NELL1: variants seen among roughly 807,000 people sequenced by gnomAD.
NELL1 encodes neural EGFL like 1, also known as protein kinase C-binding protein NELL1.
NELL1 carries 76 observed loss-of-function variants against 107.4 expected under a neutral mutation model. That is an observed-to-expected ratio of 0.71 (90% confidence interval 0.59 to 0.86). The LOEUF (loss-of-function observed/expected upper bound fraction) is 0.86. Among genes scored for constraint, NELL1 ranks in the 40% least tolerant of loss-of-function variants. The probability of loss-of-function intolerance (pLI) is 0.00; values close to 1 mark genes in which losing one functional copy is unlikely to be tolerated. For synonymous variants in NELL1, 353 were observed against 341.2 expected (o/e 1.03, Z -0.38); for missense variants, 1,024 against 1,005.5 (o/e 1.02, Z -0.25).
chr11:21,128,664 C>T (rs1386165425), intron 13 of NELL1, among the ~76,000 whole-genome samples: 1 of 152,148 alleles, frequency 6.6e-6, no homozygotes, highest in East Asian at 1.9e-4. Flanking sequence ...AAGAGGCAGA[C>T]CTTATCCCTT....
chr11:21,393,086 A>G (rs73457945), intron 15 of NELL1, among the ~76,000 whole-genome samples: 3,574 of 151,766 alleles, frequency 0.024, 63 homozygotes, highest in East Asian at 0.064. Flanking sequence ...AATGGTTTAA[A>G]ATACGACCAA....
intron 15 of NELL1, among the ~76,000 whole-genome samples, chr11:21,405,620 T>C (rs1852216768): frequency 6.6e-6 from 1 of 151,976 alleles, no homozygotes; most frequent in Admixed American, 6.6e-5. Context: ...CAGCATCAAT[T>C]ATCACCTCCT....
At chr11:21,289,486 A>G (rs1264102166) in intron 14 of NELL1, among the ~76,000 whole-genome samples, 1 of 152,216 alleles carries the variant, frequency 6.6e-6, no homozygotes, top group Non-Finnish European at 1.5e-5. Flanking sequence ...TGACCCAGAT[A>G]CTATGCTTTT....
At chr11:20,857,167 G>T (rs1231115167) in intron 4 of NELL1, among the ~76,000 whole-genome samples, 3 of 152,314 alleles carry the variant, frequency 2.0e-5, no homozygotes, top group Admixed American at 2.0e-4. Context: ...AGCCAGCCTT[G>T]CAGGCCAGGG....
At chr11:21,451,206 A>T (rs894131386) in intron 15 of NELL1, among the ~76,000 whole-genome samples, 1 of 148,432 alleles carries the variant, frequency 6.7e-6, no homozygotes, top group Admixed American at 6.6e-5. Flanking sequence ...AAAAAAAGAA[A>T]AAAAAAAGAA....
At chr11:21,210,232 C>T (rs1425474194) in intron 13 of NELL1, among the ~76,000 whole-genome samples, 2 of 152,076 alleles carry the variant, frequency 1.3e-5, no homozygotes, top group Non-Finnish European at 1.5e-5. Flanking sequence ...TATGTTTTCA[C>T]TTCTCTTGAG....
chr11:21,030,356 C>T (rs954917197), intron 12 of NELL1, among the ~76,000 whole-genome samples: 1 of 152,102 alleles, frequency 6.6e-6, no homozygotes, highest in Non-Finnish European at 1.5e-5. Context: ...ACCTTTTAGT[C>T]GTACAGACAG....
chr11:21,181,951 A>T (rs796073071), intron 13 of NELL1, among the ~76,000 whole-genome samples: 1 of 151,928 alleles, frequency 6.6e-6, no homozygotes, highest in Non-Finnish European at 1.5e-5. Flanking sequence ...AAGACTTTAC[A>T]TATATTGACT....
At chr11:21,104,376 G>C (rs1349012491) in intron 12 of NELL1, among the ~76,000 whole-genome samples, 1 of 152,188 alleles carries the variant, frequency 6.6e-6, no homozygotes, top group Admixed American at 6.5e-5. Flanking sequence ...GTGCCAGCTA[G>C]AAATTCGTAT....
At chr11:21,225,135 A>G (rs1026072259) in intron 13 of NELL1, among the ~76,000 whole-genome samples, 2 of 152,108 alleles carry the variant, frequency 1.3e-5, no homozygotes, top group South Asian at 2.1e-4. Flanking sequence ...ATGTGGTGGG[A>G]TGGCAGCAGG....
intron 12 of NELL1, among the ~76,000 whole-genome samples, chr11:20,997,827 A>C (rs2134267869): frequency 6.6e-6 from 1 of 152,264 alleles, no homozygotes; most frequent in East Asian, 1.9e-4. Context: ...TTAACAAATT[A>C]GCTGGGTGTG....
intron 1 of NELL1, among the ~76,000 whole-genome samples, chr11:20,677,099 G>T (rs192956700): frequency 6.6e-6 from 1 of 152,162 alleles, no homozygotes; most frequent in Admixed American, 6.5e-5. Flanking sequence ...CTGCATTAAG[G>T]TTCTCTAAAA....
In NELL1 at chr11:21,370,877, ACGGTGGAAC is replaced by A; in HGVS notation, c.1575_1583del (p.Tyr525_Thr528delinsTer). The A allele has an allele frequency of 1.2e-6, 2 of 1,611,938 alleles. No individual in the cohort carries two copies. The highest frequency in any genetic ancestry group is 1.7e-6 in the Non-Finnish European group (2 of 1,178,870). The stretch of plus-strand genomic sequence containing the variant: ...GCTTTCTGTGAAGAGGGCTGCAGAT[ACGGTGGAAC>A]GTGTGTGGCTCCCAACAAATGTGTC... On this transcript the variant is annotated stop_gained and inframe_deletion, in exon 15 of 20. Coordinates refer to ENST00000357134, the MANE Select transcript of NELL1 (RefSeq NM_006157.5). LOFTEE classifies it high-confidence loss of function.
At chr11:21,066,745 T>C (rs191194343) in intron 12 of NELL1, among the ~76,000 whole-genome samples, 1 of 152,042 alleles carries the variant, frequency 6.6e-6, no homozygotes, top group Admixed American at 6.6e-5. Flanking sequence ...AGGTCACGAA[T>C]TAGAAACCAG....
intron 12 of NELL1, among the ~76,000 whole-genome samples, chr11:21,046,850 G>C (rs1193901978): frequency 6.6e-6 from 1 of 151,480 alleles, no homozygotes; most frequent in African/African-American, 2.4e-5. Context: ...TGGGAGTATA[G>C]CCATGTACCA....
At chr11:21,120,756 G>T (rs1269709063) in intron 13 of NELL1, among the ~76,000 whole-genome samples, 1 of 152,036 alleles carries the variant, frequency 6.6e-6, no homozygotes, top group Non-Finnish European at 1.5e-5. Context: ...TTGATATATT[G>T]AACAAGAAAA....
chr11:20,743,429 C>A (rs1392544010), intron 2 of NELL1, among the ~76,000 whole-genome samples: 1 of 152,130 alleles, frequency 6.6e-6, no homozygotes, highest in African/African-American at 2.4e-5. Flanking sequence ...CATCGCTTAT[C>A]TGCCAAACCC....
intron 12 of NELL1, among the ~76,000 whole-genome samples, chr11:21,074,541 T>C (rs1854088910): frequency 6.6e-6 from 1 of 152,164 alleles, no homozygotes. Context: ...ATGCTGCTGA[T>C]GTATGAGACT....
intron 15 of NELL1, among the ~76,000 whole-genome samples, chr11:21,478,428 T>C (rs942683112): frequency 6.6e-6 from 1 of 152,176 alleles, no homozygotes; most frequent in African/African-American, 2.4e-5. Context: ...TCTTAACTTA[T>C]TCCAGCATTA....
Sources: gnomAD v4.1 joint callset for allele counts (sites outside exome capture counted in the v4.1 genomes callset) on GRCh38, gnomAD v4.1.1 for gene constraint, MANE v1.5 for transcripts, NCBI Gene and HGNC (gene_info 2026-07-23, HGNC 2026-07-21) for gene names.